Variants in FNBP1L observed in about 807,000 individuals in gnomAD.
FNBP1L encodes formin-binding protein 1-like.
FNBP1L carries 36 observed loss-of-function variants against 91.2 expected under a neutral mutation model. The observed-to-expected ratio is 0.39, with a 90% confidence interval of 0.30 to 0.52. The LOEUF (loss-of-function observed/expected upper bound fraction) is 0.52, where lower values mean the gene tolerates loss of function less well. Among genes scored for constraint, FNBP1L ranks in the 20% least tolerant of loss-of-function variants. The pLI is 0.66. For missense variants in FNBP1L, 571 were observed against 732.1 expected, an observed-to-expected ratio of 0.78 and a Z score of 2.54; for synonymous variants, 242 against 237.0, an observed-to-expected ratio of 1.02 and a Z score of -0.19.
intron 2 of FNBP1L, among the ~76,000 whole-genome samples, chr1:93,515,525 A>T (rs1395295327): frequency 5.9e-5 from 9 of 152,152 alleles, no homozygotes; most frequent in African/African-American, 2.2e-4. Flanking sequence ...CAAATGTCCA[A>T]TAATGATAGA....
intron 2 of FNBP1L, among the ~76,000 whole-genome samples, chr1:93,515,151 A>G (rs1429369148): frequency 6.6e-6 from 1 of 152,360 alleles, no homozygotes; most frequent in Middle Eastern, 3.4e-3. Flanking sequence ...GCAGCCAAAA[A>G]ACACATGAAA....
chr1:93,452,580 AGAC>A (rs1365797350), intron 1 of FNBP1L, among the ~76,000 whole-genome samples: 1 of 152,234 alleles, frequency 6.6e-6, no homozygotes, highest in Non-Finnish European at 1.5e-5. Context: ...TCTACTGGTT[AGAC>A]CATATCTGTA....
At chr1:93,483,677 C>G (rs1669796289) in intron 1 of FNBP1L, among the ~76,000 whole-genome samples, 1 of 152,096 alleles carries the variant, frequency 6.6e-6, no homozygotes, top group Non-Finnish European at 1.5e-5. Flanking sequence ...TAAATTATCT[C>G]AATATTTAAC....
At chr1:93,475,655 TAA>T (rs2101702354) in intron 1 of FNBP1L, among the ~76,000 whole-genome samples, 1 of 152,352 alleles carries the variant, frequency 6.6e-6, no homozygotes, top group Non-Finnish European at 1.5e-5. Context: ...ATATTTTGCA[TAA>T]GTGTAAATGT....
chr1:93,552,785 C>G lies in FNBP1L; in HGVS notation c.*369C>G. On this transcript the variant is annotated 3_prime_UTR_variant, in exon 17 of 17. Coordinates refer to ENST00000271234, the MANE Select transcript of FNBP1L (RefSeq NM_001164473.3). ...TCCCTCCCAGCTCTGTTTTAATTGGCTTTTAGACCCACTATCTGTCAGATC... is the reference window on the plus strand; with the variant it reads ...TCCCTCCCAGCTCTGTTTTAATTGGGTTTTAGACCCACTATCTGTCAGATC... The G allele has an allele frequency of 5.3e-6, 1 of 188,944 alleles. No individual in the cohort carries two copies. Among genetic ancestry groups the G allele is most frequent in the Non-Finnish European group, 1.1e-5 (1 of 92,720 alleles). The allele number at this position is 188,944 out of a possible 1,614,324, so 11.7% of individuals were successfully genotyped here.
At chr1:93,453,535 G>A (rs1223730115) in intron 1 of FNBP1L, among the ~76,000 whole-genome samples, 1 of 152,226 alleles carries the variant, frequency 6.6e-6, no homozygotes, top group East Asian at 1.9e-4. Context: ...TTGTAGAGAG[G>A]AAATAGTAAG....
chr1:93,456,374 T>C lies in FNBP1L; in HGVS notation c.24+8069T>C, dbSNP rs150694947. 1.9e-3 allele frequency among the ~76,000 whole-genome samples: 291 copies of C among 152,252 alleles called. 2 individuals are homozygous for C. Among genetic ancestry groups the C allele is most frequent in the African/African-American group, 6.7e-3 (280 of 41,554 alleles). On this transcript the variant is annotated intron_variant, in intron 1 of 16. Coordinates refer to ENST00000271234, the MANE Select transcript of FNBP1L (RefSeq NM_001164473.3). ...TTATAGTTTGAAAAGAATCAGTGTA[T>C]AGAGTGAGATTTTTCTATTTTTGGT... is the stretch of plus-strand genomic sequence containing the variant.
At chr1:93,543,490 C>G (rs1331083246) in intron 11 of FNBP1L, among the ~76,000 whole-genome samples, 1 of 152,088 alleles carries the variant, frequency 6.6e-6, no homozygotes, top group Non-Finnish European at 1.5e-5. Flanking sequence ...AATTTCTGCT[C>G]AGTGGATAGT....
chr1:93,478,557 C>T (rs1344894719), intron 1 of FNBP1L, among the ~76,000 whole-genome samples: 1 of 152,082 alleles, frequency 6.6e-6, no homozygotes, highest in Non-Finnish European at 1.5e-5. Context: ...GTGGCATCAG[C>T]TTGATGGAGA....
intron 2 of FNBP1L, 146 bp downstream of exon 2, chr1:93,499,729 A>G (rs1030035540): frequency 3.4e-6 from 2 of 586,464 alleles, no homozygotes; most frequent in East Asian, 3.0e-5. Context: ...TTTAATGATT[A>G]ATTAAGTCAT....
chr1:93,546,262 A>G (rs1672231857), intron 12 of FNBP1L, among the ~76,000 whole-genome samples: 1 of 152,108 alleles, frequency 6.6e-6, no homozygotes, highest in Non-Finnish European at 1.5e-5. Flanking sequence ...AAGAGTATTA[A>G]GGAGTGTTAG....
intron 2 of FNBP1L, among the ~76,000 whole-genome samples, chr1:93,514,612 C>T (rs1216273674): frequency 3.9e-5 from 6 of 152,132 alleles, no homozygotes; most frequent in East Asian, 3.8e-4. Flanking sequence ...GAAATAACGC[C>T]GCATGTCTAC....
At chr1:93,458,419 C>T (rs970625471) in intron 1 of FNBP1L, among the ~76,000 whole-genome samples, 5 of 152,110 alleles carry the variant, frequency 3.3e-5, no homozygotes, top group African/African-American at 9.7e-5. Flanking sequence ...CATGAGCTAC[C>T]GTGCCCAGCC....
intron 1 of FNBP1L, among the ~76,000 whole-genome samples, chr1:93,470,142 A>ATT (rs1009346076): frequency 6.6e-6 from 1 of 150,992 alleles, no homozygotes; most frequent in Non-Finnish European, 1.5e-5. Context: ...TTCTTTCTTT[A>ATT]TTTTTTTTTG....
At chr1:93,476,789 C>CA (rs929382448) in intron 1 of FNBP1L, among the ~76,000 whole-genome samples, 18 of 151,698 alleles carry the variant, frequency 1.2e-4, no homozygotes, top group Non-Finnish European at 1.9e-4. Flanking sequence ...ATGAAACAAA[C>CA]AAAAAAAATC....
chr1:93,533,804 A>T (rs928248429), intron 8 of FNBP1L, among the ~76,000 whole-genome samples: 3 of 152,174 alleles, frequency 2.0e-5, no homozygotes, highest in South Asian at 2.1e-4. Flanking sequence ...GCATGGCTGG[A>T]TACAAGTTTA....
At chr1:93,463,305 C>G (rs1051675384) in intron 1 of FNBP1L, among the ~76,000 whole-genome samples, 2 of 152,108 alleles carry the variant, frequency 1.3e-5, no homozygotes, top group African/African-American at 4.8e-5. Context: ...AGAAACAGAT[C>G]TGGGTGCTGG....
chr1:93,455,489 C>T (rs1034122588), intron 1 of FNBP1L, among the ~76,000 whole-genome samples: 7 of 152,232 alleles, frequency 4.6e-5, no homozygotes, highest in Non-Finnish European at 7.3e-5. Flanking sequence ...GTGCCTGGCT[C>T]TATGCCACAT....
chr1:93,541,097 A>C (rs188794214), intron 11 of FNBP1L, 41 bp downstream of exon 11: 1 of 1,521,106 alleles, frequency 6.6e-7, no homozygotes, highest in African/African-American at 1.4e-5. Context: ...GCCAACATTA[A>C]GTAATCTCAA....
Sources: allele counts gnomAD v4.1 joint callset (sites outside exome capture counted in the v4.1 genomes callset), GRCh38; gene constraint gnomAD v4.1.1; transcripts MANE v1.5; gene names NCBI Gene and HGNC (gene_info 2026-07-23, HGNC 2026-07-21).